TMEM171: variants seen among roughly 807,000 people sequenced by gnomAD.
The protein encoded by TMEM171 is transmembrane protein 171.
In TMEM171, 16 loss-of-function variants were observed where a neutral mutation model predicts 19.1. The observed-to-expected ratio is 0.84, with a 90% CI of 0.57 to 1.27. The LOEUF (loss-of-function observed/expected upper bound fraction) is 1.27, where lower values mean the gene tolerates loss of function less well. Among genes scored for constraint, TMEM171 ranks in the 50% most tolerant of loss-of-function variants. The pLI is 0.00. For synonymous variants in TMEM171, 153 were observed against 163.4 expected, an observed-to-expected ratio of 0.94 and a Z score of 0.48; for missense variants, 429 against 412.7, an observed-to-expected ratio of 1.04 and a Z score of -0.34.
At chr5:73,128,349 T>C in intron 2 of TMEM171, 41 bp from the exon 3 acceptor site, 1 of 1,593,326 alleles carries the variant, frequency 6.3e-7, no homozygotes, top group Non-Finnish European at 8.6e-7. Context: ...TGCTTCCATT[T>C]ATTACCCACC....
intron 3 of TMEM171, among the ~76,000 whole-genome samples, chr5:73,128,907 A>G (rs988175001): frequency 1.3e-5 from 2 of 152,162 alleles, no homozygotes; most frequent in African/African-American, 4.8e-5. Flanking sequence ...AGCCTGGCCA[A>G]CGTGGCAAAA....
chr5:73,130,697 T>C (rs1744327847), intron 3 of TMEM171, among the ~76,000 whole-genome samples: 1 of 151,882 alleles, frequency 6.6e-6, no homozygotes, highest in Non-Finnish European at 1.5e-5. Context: ...AGAATTGGCT[T>C]TACAGCTTCA....
intron 2 of TMEM171, among the ~76,000 whole-genome samples, chr5:73,128,075 A>G (rs1170262935): frequency 6.6e-6 from 1 of 152,060 alleles, no homozygotes; most frequent in Non-Finnish European, 1.5e-5. Context: ...AGTGGCATTG[A>G]ATACAGTCAC....
rs1175541175 is a variant in TMEM171, at chr5:73,131,706, A to C, written c.951A>C (p.Leu317=). ...ATGCTGCAGCTACATTCTTGCCTCTATCTTCTGAGCCTTCCCCACCGTAAA... is the reference window on the plus strand; with the variant it reads ...ATGCTGCAGCTACATTCTTGCCTCTCTCTTCTGAGCCTTCCCCACCGTAAA... The part of the protein sequence containing the change: ...KENAAATFLP[L]SSEPSPP The change falls in exon 4 of 4, where the codon CTA becomes CTC. Residue 317 remains leucine, a synonymous_variant. Coordinates refer to ENST00000454765, the MANE Select transcript of TMEM171 (RefSeq NM_173490.8). 1 of 1,613,392 alleles carries C rather than the reference A, an allele frequency of 6.2e-7. No individual in the cohort carries two copies. The highest frequency in any genetic ancestry group is 8.5e-7 in the Non-Finnish European group (1 of 1,179,726).
rs745849172 is a variant in TMEM171, at chr5:73,128,412, AC to A, written c.668del (p.Pro223LeufsTer123). 199 of 1,613,958 alleles carry A rather than the reference AC, an allele frequency of 1.2e-4. No homozygotes were observed. The highest frequency in any genetic ancestry group is 3.3e-4 in the Middle Eastern group (2 of 6,062). On this transcript the variant is annotated frameshift_variant, in exon 3 of 4. Transcript: ENST00000454765. LOFTEE classifies it high-confidence loss of function. ...TAGGTGACTCGGTAATAATATTTCC[AC>A]CCCCTCCACCACCTTACTTTCCTGA... ...TVGDSVIIFP[P>X]PPPPYFPESS...
chr5:73,128,196 C>T (rs1224065655), intron 2 of TMEM171, among the ~76,000 whole-genome samples, 194 bp from the exon 3 acceptor site: 1 of 152,196 alleles, frequency 6.6e-6, no homozygotes, highest in Non-Finnish European at 1.5e-5. Flanking sequence ...CTCCCGAACC[C>T]CTCCTAGCCC....
intron 3 of TMEM171, among the ~76,000 whole-genome samples, chr5:73,131,181 C>A (rs1744344702): frequency 6.6e-6 from 1 of 151,886 alleles, no homozygotes; most frequent in Non-Finnish European, 1.5e-5. Flanking sequence ...GTTTGTCTAC[C>A]TTATGTTAGC....
intron 2 of TMEM171, among the ~76,000 whole-genome samples, chr5:73,126,555 T>C (rs186994144): frequency 6.6e-6 from 1 of 152,204 alleles, no homozygotes; most frequent in Non-Finnish European, 1.5e-5. Flanking sequence ...GCTGAGAGAG[T>C]TGGCTCTGTG....
chr5:73,128,350 A>G, intron 2 of TMEM171, 40 bp from the exon 3 acceptor site: 5 of 1,593,188 alleles, frequency 3.1e-6, no homozygotes, highest in Non-Finnish European at 3.4e-6. Flanking sequence ...GCTTCCATTT[A>G]TTACCCACCT....
chr5:73,120,666 G>A lies in TMEM171; in HGVS notation c.-99G>A. ...GCGCCCAGCCAGTGCCCACAGCAGCGCGGTCAGCCAGGCGCCGGACCCAGC... is the reference window on the plus strand; with the variant it reads ...GCGCCCAGCCAGTGCCCACAGCAGCACGGTCAGCCAGGCGCCGGACCCAGC... On this transcript the variant is annotated 5_prime_UTR_variant, in exon 1 of 4. Coordinates refer to ENST00000454765, the MANE Select transcript of TMEM171 (RefSeq NM_173490.8). 1 of 984,450 alleles carries A rather than the reference G, an allele frequency of 1.0e-6. No homozygotes were observed. The highest frequency in any genetic ancestry group is 1.2e-6 in the Non-Finnish European group (1 of 829,712). 61.0% of individuals were successfully genotyped at this position (984,450 alleles called of 1,614,324 possible).
At chr5:73,130,843 TCCC>T (rs1744335279) in intron 3 of TMEM171, among the ~76,000 whole-genome samples, 1 of 152,138 alleles carries the variant, frequency 6.6e-6, no homozygotes, top group Non-Finnish European at 1.5e-5. Flanking sequence ...ATGATAAACT[TCCC>T]CAAACCCTAA....
chr5:73,123,001 G>A (rs1383133281), intron 1 of TMEM171, among the ~76,000 whole-genome samples: 1 of 152,170 alleles, frequency 6.6e-6, no homozygotes, highest in Non-Finnish European at 1.5e-5. Context: ...GAGTTTGTAA[G>A]ACTCAGAAAA....
At chr5:73,125,135 A>G (rs1014657761) in intron 2 of TMEM171, among the ~76,000 whole-genome samples, 3 of 152,212 alleles carry the variant, frequency 2.0e-5, no homozygotes. Flanking sequence ...ATCTGCAGCC[A>G]TTCCTTGTGT....
chr5:73,128,486 T>G lies in TMEM171; in HGVS notation c.737T>G (p.Leu246Arg). 1 of 1,614,200 alleles carries G rather than the reference T, an allele frequency of 6.2e-7. No homozygotes were observed. The highest frequency in any genetic ancestry group is 8.5e-7 in the Non-Finnish European group (1 of 1,180,044). The change falls in exon 3 of 4, where the codon CTT becomes CGT. Residue 246 changes from leucine to arginine, a missense_variant. Physicochemically the swap from Leu to Arg is moderately radical, Grantham distance 102. Coordinates refer to ENST00000454765, the MANE Select transcript of TMEM171 (RefSeq NM_173490.8). ...VAESPGTNSL[L>R]PNENPPSYYS... ...GAGAGTCCTGGAACTAACAGTCTGC[T>G]TCCGAATGAAAACCCCCCTTCATAT...
At chr5:73,127,942 G>A (rs1008703325) in intron 2 of TMEM171, among the ~76,000 whole-genome samples, 2 of 151,674 alleles carry the variant, frequency 1.3e-5, no homozygotes, top group African/African-American at 2.4e-5. Context: ...ATGAGATAGC[G>A]CTGTGTTGCC....
Position 73,128,489 on chromosome 5 carries a change from C to G in TMEM171, c.740C>G (p.Pro247Arg). 1 of 1,614,032 alleles carries G rather than the reference C, an allele frequency of 6.2e-7. No individual in the cohort carries two copies. Among genetic ancestry groups the G allele is most frequent in the South Asian group, 1.1e-5 (1 of 91,072 alleles). ...AGTCCTGGAACTAACAGTCTGCTTC[C>G]GAATGAAAACCCCCCTTCATATTAC... ...AESPGTNSLL[P>R]NENPPSYYSI... The change falls in exon 3 of 4, where the codon CCG becomes CGG. Residue 247 changes from proline to arginine, a missense_variant. Transcript: ENST00000454765.
rs72107842 is a variant in TMEM171, at chr5:73,121,109, GGAGA to G, written c.-69+423_-69+426del. On this transcript the variant is annotated intron_variant, in intron 1 of 3. Coordinates refer to ENST00000454765, the MANE Select transcript of TMEM171 (RefSeq NM_173490.8). ...GTTTGTGAGTGCATCTGTGGGAGAAGGAGAGAGAGAGAGTATTTCCACACTATTA... is the reference window on the plus strand; with the variant it reads ...GTTTGTGAGTGCATCTGTGGGAGAAGGAGAGAGAGTATTTCCACACTATTA... Among the ~76,000 whole-genome samples the G allele has an allele frequency of 3.9e-5, 6 of 152,008 alleles. No homozygotes were observed. In the South Asian group the frequency reaches 1.2e-3, roughly 32 times the overall value.
intron 2 of TMEM171, 137 bp from the exon 3 acceptor site, chr5:73,128,253 A>T: frequency 1.0e-6 from 1 of 993,302 alleles, no homozygotes; most frequent in Non-Finnish European, 1.5e-6. Flanking sequence ...TAATGGGCTT[A>T]CTTTTAAATT....
rs1008457751 is a variant in TMEM171 at position 73,124,723 on chromosome 5, G to A, written c.640+710G>A. ...TGGAATATGACAGCACCTTTCTCCC[G>A]TGGAATGCCTACAAGTTCCTTTTGG... On this transcript the variant is annotated intron_variant, in intron 2 of 3. Coordinates refer to ENST00000454765, the MANE Select transcript of TMEM171 (RefSeq NM_173490.8). 6.6e-5 allele frequency among the ~76,000 whole-genome samples: 10 copies of A among 152,250 alleles called. No homozygotes were observed. The East Asian group carries it at 7.7e-4, about 12-fold the overall frequency.
Sources: allele counts gnomAD v4.1 joint callset (sites outside exome capture counted in the v4.1 genomes callset), GRCh38; gene constraint gnomAD v4.1.1; transcripts MANE v1.5; gene names NCBI Gene and HGNC (gene_info 2026-07-23, HGNC 2026-07-21).